KLF3: variants seen among roughly 807,000 people sequenced by gnomAD.
The protein encoded by KLF3 is Krueppel-like factor 3.
KLF3 carries 6 observed loss-of-function variants against 32.7 expected under a neutral mutation model. The ratio of observed to expected loss-of-function variants is 0.18; its 90% CI spans 0.10 to 0.36. KLF3 has a LOEUF of 0.36. Among genes scored for constraint, KLF3 ranks in the 10% least tolerant of loss-of-function variants. KLF3 has a pLI of 1.00. For synonymous variants in KLF3, 145 were observed against 172.8 expected, an observed-to-expected ratio of 0.84 and a Z score of 1.26; for missense variants, 338 against 449.7, an observed-to-expected ratio of 0.75 and a Z score of 2.25.
In KLF3 at chr4:38,689,820, T is replaced by G; in HGVS notation, c.636T>G (p.Pro212=). The G allele has an allele frequency of 1.2e-6, 2 of 1,613,724 alleles. No individual in the cohort carries two copies. Among genetic ancestry groups the G allele is most frequent in the Non-Finnish European group, 1.7e-6 (2 of 1,179,752 alleles). Residue 212 remains proline, a synonymous_variant, in exon 4 of 6, where the codon CCT becomes CCG. Coordinates refer to ENST00000261438, the MANE Select transcript of KLF3 (RefSeq NM_016531.6). ...AACCACAGAGGACAGATTATTATCC[T>G]GAAGAAATGTCACCCCCCTTAATGA... ...GIEPQRTDYY[P]EEMSPPLMNS...
rs754382386 is a variant in KLF3 at position 38,694,872 on chromosome 4, C to T, written c.822C>T (p.Ser274=). Residue 274 remains serine (S), a synonymous_variant, in exon 5 of 6, where the codon AGC becomes AGT. Coordinates refer to ENST00000261438, the MANE Select transcript of KLF3 (RefSeq NM_016531.6). ...YDGCNKVYTK[S]SHLKAHRRTH... is the part of the protein sequence containing the mutation. ...GATGCAACAAAGTGTACACTAAAAG[C>T]TCCCACTTGAAAGCACACAGAAGAA... 1 of 1,605,274 alleles carries T rather than the reference C, an allele frequency of 6.2e-7. No individual in the cohort carries two copies. Among genetic ancestry groups the T allele is most frequent in the Non-Finnish European group, 8.5e-7 (1 of 1,177,012 alleles).
rs375983014 is a variant in KLF3 at position 38,688,771 on chromosome 4, C to T, written c.244C>T (p.Leu82=). Reference sequence around the variant, plus strand: ...TTCGGCTGGGAATTCGCCCTCCTCTCTGAAGTTCCCGTCCTCACACCGGAG... The same window carrying T: ...TTCGGCTGGGAATTCGCCCTCCTCTTTGAAGTTCCCGTCCTCACACCGGAG... The part of the protein sequence containing the change: ...PPSAGNSPSS[L]KFPSSHRRAS... The change falls in exon 3 of 6, where the codon CTG becomes TTG. Residue 82 remains leucine, a synonymous_variant. Transcript: ENST00000261438. This position sits in a 1 kb window ranked among gnomAD's most constrained non-coding sequence, Gnocchi z 4.9. 118 of 1,614,132 alleles carry T rather than the reference C, an allele frequency of 7.3e-5. 1 individual carries two copies. Among genetic ancestry groups the T allele is most frequent in the Middle Eastern group, 3.3e-4 (2 of 6,084 alleles).
rs1364593976 is a variant in KLF3, at chr4:38,697,935, TC to T, written c.*673del. On this transcript the variant is annotated 3_prime_UTR_variant, in exon 6 of 6. Coordinates refer to ENST00000261438, the MANE Select transcript of KLF3 (RefSeq NM_016531.6). ...ATCTAGGTGGGTGATGTGTAGCAGT[TC>T]AAGGGAAGGGTGCTGTGTTTTCATA... 1.3e-5 allele frequency: 2 copies of T among 152,212 alleles called. No individual in the cohort carries two copies. The highest frequency in any genetic ancestry group is 2.9e-5 in the Non-Finnish European group (2 of 68,044). 9.4% of individuals were successfully genotyped at this position (152,212 alleles called of 1,614,324 possible). A position where few individuals can be genotyped will look rare whatever the true frequency, so the allele number is the denominator to read the frequency against.
At chr4:38,683,607 T>G (rs1722600762) in intron 2 of KLF3, among the ~76,000 whole-genome samples, 1 of 151,230 alleles carries the variant, frequency 6.6e-6, no homozygotes, top group Non-Finnish European at 1.5e-5. Context: ...AAACTGTGTG[T>G]AAAAAAATGC....
chr4:38,694,786 T>C lies in KLF3; in HGVS notation c.736T>C (p.Leu246=), dbSNP rs1220024579. ...CATCGTGCAGCCTGGGAAGAGACCT[T>C]TACCTGTGGAATCCCCGGATACTCA... ...SVIVQPGKRP[L]PVESPDTQRK... is the part of the protein sequence containing the mutation. The change falls in exon 5 of 6, where the codon TTA becomes CTA. Residue 246 remains leucine (L), a synonymous_variant. Transcript: ENST00000261438. The C allele has an allele frequency of 6.2e-7, 1 of 1,603,196 alleles. No individual in the cohort carries two copies. The highest frequency in any genetic ancestry group is 1.3e-5 in the African/African-American group (1 of 74,242).
intron 3 of KLF3, 28 bp downstream of exon 3, chr4:38,689,099 T>A: frequency 6.2e-7 from 1 of 1,608,226 alleles, no homozygotes; most frequent in Non-Finnish European, 8.5e-7. Context: ...TCCATGCTGC[T>A]GCACTTGCTT....
intron 4 of KLF3, among the ~76,000 whole-genome samples, chr4:38,692,904 G>A (rs936348723): frequency 7.9e-5 from 12 of 151,746 alleles, no homozygotes; most frequent in Non-Finnish European, 1.8e-4. Context: ...TAATGGAAAT[G>A]AAATATTTTC....
intron 1 of KLF3, among the ~76,000 whole-genome samples, chr4:38,679,595 C>T (rs954420625): frequency 1.3e-5 from 2 of 152,072 alleles, no homozygotes; most frequent in African/African-American, 4.8e-5. Context: ...CATTGCTGTT[C>T]GTAATGGCGA....
At chr4:38,693,886 A>C (rs561697578) in intron 4 of KLF3, among the ~76,000 whole-genome samples, 2 of 152,320 alleles carry the variant, frequency 1.3e-5, no homozygotes, top group East Asian at 3.9e-4. Flanking sequence ...AAAAAAGCTT[A>C]GATTGTAAGA....
At chr4:38,677,955 G>T (rs1214443389) in intron 1 of KLF3, among the ~76,000 whole-genome samples, 1 of 151,860 alleles carries the variant, frequency 6.6e-6, no homozygotes, top group Admixed American at 6.6e-5. Flanking sequence ...TTGAGAAGCA[G>T]ATAGGGAGCC....
intron 1 of KLF3, among the ~76,000 whole-genome samples, chr4:38,667,228 G>A (rs143046228): frequency 6.6e-6 from 1 of 152,286 alleles, no homozygotes; most frequent in Non-Finnish European, 1.5e-5. Flanking sequence ...ATGTTTCTCT[G>A]TGCTTTCTCT....
chr4:38,671,563 A>G lies in KLF3; in HGVS notation c.-40+7102A>G, dbSNP rs1195432047. 1.3e-5 allele frequency among the ~76,000 whole-genome samples: 2 copies of G among 152,056 alleles called. No individual in the cohort carries two copies. Among genetic ancestry groups the G allele is most frequent in the African/African-American group, 4.8e-5 (2 of 41,400 alleles). On this transcript the variant is annotated intron_variant, in intron 1 of 5. Transcript: ENST00000261438. This position sits in a 1 kb window ranked among gnomAD's most constrained non-coding sequence, Gnocchi z 4.4. ...TCACAGAAATCACTATCATGTACTTACTGTTGGTGGTGTAATGTTGTCCTC... is the reference window on the plus strand; with the variant it reads ...TCACAGAAATCACTATCATGTACTTGCTGTTGGTGGTGTAATGTTGTCCTC...
In KLF3 at chr4:38,701,409, A is replaced by C. The variant is rs188533651; in HGVS notation, c.*4146A>C. 3.6e-3 allele frequency among the ~76,000 whole-genome samples: 547 copies of C among 152,356 alleles called. 22 individuals carry two copies. In the South Asian group the frequency reaches 0.1, roughly 28 times the overall value. On this transcript the variant is annotated 3_prime_UTR_variant, in exon 6 of 6. Transcript: ENST00000261438. ...ATTTTGTATTAAAAGACGCATGTGT[A>C]TAATACTTTAAACTTTTAGAGTAAA...
chr4:38,693,560 A>G (rs1722948997), intron 4 of KLF3, among the ~76,000 whole-genome samples: 1 of 151,954 alleles, frequency 6.6e-6, no homozygotes. Context: ...TAGAGTGTTT[A>G]CTCTCATCAA....
At chr4:38,675,691 G>A (rs940615675) in intron 1 of KLF3, among the ~76,000 whole-genome samples, 1 of 152,178 alleles carries the variant, frequency 6.6e-6, no homozygotes, top group Non-Finnish European at 1.5e-5. Flanking sequence ...CGGTGTCCTG[G>A]TCTCTAATGC....
At chr4:38,682,039 A>G (rs1446883121) in intron 2 of KLF3, among the ~76,000 whole-genome samples, 2 of 152,252 alleles carry the variant, frequency 1.3e-5, no homozygotes, top group African/African-American at 2.4e-5. Context: ...CAACTGAGCA[A>G]TAAGGATTTT....
At chr4:38,665,454 T>C (rs944413828) in intron 1 of KLF3, among the ~76,000 whole-genome samples, 4 of 152,258 alleles carry the variant, frequency 2.6e-5, no homozygotes, top group African/African-American at 9.6e-5. Context: ...AGCACTTTTC[T>C]GGTTTAAATT....
intron 1 of KLF3, among the ~76,000 whole-genome samples, chr4:38,672,395 A>G (rs1464519520): frequency 6.6e-6 from 1 of 152,126 alleles, no homozygotes; most frequent in East Asian, 1.9e-4. Context: ...TGGGAAAGCT[A>G]AGAGGCCTAG....
intron 2 of KLF3, among the ~76,000 whole-genome samples, chr4:38,681,510 A>G (rs1722524637): frequency 6.6e-6 from 1 of 152,126 alleles, no homozygotes; most frequent in Non-Finnish European, 1.5e-5. Context: ...CCAGCCCCTC[A>G]TGGGAGCCAG....
Sources: gnomAD v4.1 joint callset for allele counts (sites outside exome capture counted in the v4.1 genomes callset) on GRCh38, gnomAD v4.1.1 for gene constraint, Gnocchi (gnomAD v3.1) non-coding constraint, MANE v1.5 for transcripts, NCBI Gene and HGNC (gene_info 2026-07-23, HGNC 2026-07-21) for gene names.